The following EPN2 variants were observed in gnomAD, a reference collection of about 807,000 sequenced individuals.
The protein encoded by EPN2 is epsin-2.
EPN2 carries 34 observed loss-of-function variants against 61.7 expected under a neutral mutation model. The ratio of observed to expected loss-of-function variants is 0.55; its 90% CI spans 0.42 to 0.73. The LOEUF (loss-of-function observed/expected upper bound fraction) is 0.73. Among genes scored for constraint, EPN2 ranks in the 30% least tolerant of loss-of-function variants. The pLI, the probability that EPN2 is intolerant of heterozygous loss-of-function variation, is 0.00. For synonymous variants in EPN2, 349 were observed against 353.6 expected (o/e 0.99, Z 0.15); for missense variants, 714 against 839.2 (o/e 0.85, Z 1.84).
intron 7 of EPN2, among the ~76,000 whole-genome samples, chr17:19,321,623 A>G (rs1906640263): frequency 6.6e-6 from 1 of 152,140 alleles, no homozygotes; most frequent in Non-Finnish European, 1.5e-5. Flanking sequence ...GACAGAGGCA[A>G]GTGGGAAGGG....
chr17:19,237,595 C>T (rs1011023512), intron 1 of EPN2, 64 bp downstream of exon 1: 3 of 152,418 alleles, frequency 2.0e-5, no homozygotes, highest in African/African-American at 7.2e-5. Flanking sequence ...CCCTCCCCCT[C>T]TCCAGGGCGC....
rs2152217608 is a variant in EPN2, at chr17:19,283,597, G to C, written c.478G>C (p.Gly160Arg). 1.2e-6 allele frequency: 2 copies of C among 1,614,170 alleles called. No homozygotes were observed. The highest frequency in any genetic ancestry group is 2.2e-5 in the South Asian group (2 of 91,088). The change falls in exon 3 of 11, where the codon GGC (glycine) becomes CGC (arginine). Residue 160 changes from glycine to arginine, a missense_variant. Coordinates refer to ENST00000314728, the MANE Select transcript of EPN2 (RefSeq NM_014964.5). The surrounding 1 kb of genome is among the most constrained non-coding windows in gnomAD (Gnocchi z 7.0). ...AGAGCGCATGGCCCAGGTTGCCACT[G>C]GCATGGGCAGCAACCAGATCACCTT... The part of the protein sequence containing the change: ...TKERMAQVAT[G>R]MGSNQITFGR...
chr17:19,319,299 C>T (rs958739092), intron 7 of EPN2, among the ~76,000 whole-genome samples: 5 of 152,020 alleles, frequency 3.3e-5, no homozygotes, highest in Admixed American at 3.3e-4. Context: ...TCTGAGAGTA[C>T]GTCTAGATGG....
intron 7 of EPN2, among the ~76,000 whole-genome samples, chr17:19,327,613 A>G (rs1906943485): frequency 1.3e-5 from 2 of 152,140 alleles, no homozygotes; most frequent in African/African-American, 4.8e-5. Context: ...GTGGAGGCGT[A>G]GTGAGCTGTG....
intron 1 of EPN2, among the ~76,000 whole-genome samples, chr17:19,268,462 A>T (rs930468682): frequency 6.6e-6 from 1 of 152,112 alleles, no homozygotes; most frequent in Admixed American, 6.6e-5. Context: ...GGCTCAGGCG[A>T]TCCTCCATCT....
In EPN2 at chr17:19,309,943, A is replaced by G. The variant is rs933790970; in HGVS notation, c.825A>G (p.Glu275=). ...AAGCCCGGCCCCAGACTAGTGGAGA[A>G]GAGGAGCTTCAGCTGCAGCTGGCAC... ...LEQARPQTSG[E]EELQLQLALA... is the part of the protein sequence containing the mutation. Residue 275 remains glutamate (E), a synonymous_variant, in exon 5 of 11, where the codon GAA becomes GAG. Transcript: ENST00000314728. 2 of 1,609,332 alleles carry G rather than the reference A, an allele frequency of 1.2e-6. No homozygotes were observed. Among genetic ancestry groups the G allele is most frequent in the African/African-American group, 2.7e-5 (2 of 74,922 alleles).
At chr17:19,258,013 C>T (rs923283715) in intron 1 of EPN2, 4 of 153,198 alleles carry the variant, frequency 2.6e-5, no homozygotes, top group African/African-American at 7.2e-5. Flanking sequence ...GTAGGTGTCC[C>T]GCAGCCCGTC....
intron 1 of EPN2, among the ~76,000 whole-genome samples, chr17:19,278,377 A>C (rs2045329143): frequency 6.6e-6 from 1 of 152,182 alleles, no homozygotes; most frequent in Non-Finnish European, 1.5e-5. Context: ...ACATGCCTGG[A>C]GAGGCCTCAG....
At chr17:19,324,239 AAGT>A (rs1234472171) in intron 7 of EPN2, among the ~76,000 whole-genome samples, 1 of 152,240 alleles carries the variant, frequency 6.6e-6, no homozygotes, top group Non-Finnish European at 1.5e-5. Context: ...TTAAAAGGAT[AAGT>A]AGAAAACCTT....
chr17:19,307,666 A>G (rs1260811572), intron 4 of EPN2, among the ~76,000 whole-genome samples: 2 of 152,038 alleles, frequency 1.3e-5, no homozygotes, highest in Admixed American at 6.5e-5. Flanking sequence ...ATTTATTGCT[A>G]TATGTTTTGT....
intron 7 of EPN2, among the ~76,000 whole-genome samples, chr17:19,321,816 G>T (rs1445667645): frequency 6.6e-6 from 1 of 152,162 alleles, no homozygotes; most frequent in Non-Finnish European, 1.5e-5. Flanking sequence ...TTGGCCCCAG[G>T]TCTCCCGTGT....
chr17:19,264,847 G>T (rs1033300156), intron 1 of EPN2, among the ~76,000 whole-genome samples: 5 of 152,146 alleles, frequency 3.3e-5, no homozygotes, highest in African/African-American at 1.2e-4. Context: ...GACAGTCGGG[G>T]TCTCTGTCCC....
At chr17:19,245,762 A>G (rs1160211063) in intron 1 of EPN2, among the ~76,000 whole-genome samples, 1 of 151,484 alleles carries the variant, frequency 6.6e-6, no homozygotes, top group East Asian at 1.9e-4. Context: ...TCCTGGGCTC[A>G]AGTGATTCTC....
intron 4 of EPN2, chr17:19,308,063 T>C (rs776397924): frequency 7.2e-6 from 7 of 973,486 alleles, no homozygotes; most frequent in Non-Finnish European, 7.3e-6. Flanking sequence ...AGTAAACTAA[T>C]ACACAATTAG....
intron 1 of EPN2, among the ~76,000 whole-genome samples, chr17:19,273,845 T>A (rs1333916568): frequency 6.6e-6 from 1 of 152,220 alleles, no homozygotes; most frequent in Admixed American, 6.5e-5. Flanking sequence ...TTTAAGTTAT[T>A]GCTAGCGTGG....
intron 4 of EPN2, among the ~76,000 whole-genome samples, chr17:19,307,568 C>T (rs1477154554): frequency 6.6e-6 from 1 of 152,230 alleles, no homozygotes; most frequent in Non-Finnish European, 1.5e-5. Context: ...TGGTCTCGAT[C>T]TCCTGACCTC....
chr17:19,271,278 C>T (rs1475655906), intron 1 of EPN2, among the ~76,000 whole-genome samples: 1 of 152,048 alleles, frequency 6.6e-6, no homozygotes, highest in Non-Finnish European at 1.5e-5. Flanking sequence ...CTGATGGGTT[C>T]TGAGGAGGCC....
chr17:19,264,511 G>C (rs2045175888), intron 1 of EPN2, among the ~76,000 whole-genome samples: 1 of 152,172 alleles, frequency 6.6e-6, no homozygotes, highest in South Asian at 2.1e-4. Flanking sequence ...GATTCTCGCT[G>C]GCTGCCATTT....
At chr17:19,332,135 T>G (rs976340722) in intron 10 of EPN2, 67 bp downstream of exon 10, 9 of 1,209,564 alleles carry the variant, frequency 7.4e-6, no homozygotes, top group Non-Finnish European at 1.2e-6. Context: ...AGCAGGCCTC[T>G]TGGGGGCTCT....
Sources: allele counts gnomAD v4.1 joint callset (sites outside exome capture counted in the v4.1 genomes callset), GRCh38; gene constraint gnomAD v4.1.1; non-coding constraint Gnocchi (gnomAD v3.1); transcripts MANE v1.5; gene names NCBI Gene and HGNC (gene_info 2026-07-23, HGNC 2026-07-21).